FCHO2: variants seen among roughly 807,000 people sequenced by gnomAD.
FCHO2 encodes FCH and mu domain containing endocytic adaptor 2.
In FCHO2, 43 loss-of-function variants were observed where a neutral mutation model predicts 114.1. The observed-to-expected ratio is 0.38, with a 90% CI of 0.30 to 0.49. The LOEUF (loss-of-function observed/expected upper bound fraction) is 0.49. Among genes scored for constraint, FCHO2 ranks in the 20% least tolerant of loss-of-function variants. The pLI is 0.97. For missense variants in FCHO2, 807 were observed against 950.4 expected (o/e 0.85, Z 1.98); for synonymous variants, 293 against 315.2 (o/e 0.93, Z 0.75).
intron 5 of FCHO2, among the ~76,000 whole-genome samples, chr5:72,992,481 G>A (rs73098079): frequency 7.1e-4 from 108 of 152,302 alleles, no homozygotes; most frequent in African/African-American, 2.6e-3. Context: ...GCAAGCTGTT[G>A]AACTCAAAAG....
intron 6 of FCHO2, among the ~76,000 whole-genome samples, chr5:73,009,282 G>T (rs891541941): frequency 1.3e-5 from 2 of 152,200 alleles, no homozygotes; most frequent in African/African-American, 4.8e-5. Context: ...ACATTTATAA[G>T]GGAGTTATTG....
At chr5:72,972,631 A>G (rs918982328) in intron 2 of FCHO2, among the ~76,000 whole-genome samples, 2 of 152,198 alleles carry the variant, frequency 1.3e-5, no homozygotes, top group African/African-American at 4.8e-5. Flanking sequence ...TAGATATACA[A>G]TCATGCCATC....
intron 10 of FCHO2, among the ~76,000 whole-genome samples, chr5:73,039,812 C>A: frequency 6.6e-6 from 1 of 151,972 alleles, no homozygotes; most frequent in South Asian, 2.1e-4. Context: ...CCTGTAATCC[C>A]GGCTACTTGA....
chr5:72,984,278 A>G (rs1003513293), intron 2 of FCHO2, among the ~76,000 whole-genome samples: 7 of 152,180 alleles, frequency 4.6e-5, no homozygotes, highest in African/African-American at 1.4e-4. Context: ...TAGTGGATCA[A>G]TTTGCTGCTA....
Position 73,088,257 on chromosome 5 carries a change from A to G in FCHO2, c.*167A>G. 1 of 754,058 alleles carries G rather than the reference A, an allele frequency of 1.3e-6. No individual in the cohort carries two copies. Among genetic ancestry groups the G allele is most frequent in the South Asian group, 1.8e-5 (1 of 56,644 alleles). 46.7% of individuals were successfully genotyped at this position (754,058 alleles called of 1,614,324 possible). A position where few individuals can be genotyped will look rare whatever the true frequency, so the allele number is the denominator to read the frequency against. On this transcript the variant is annotated 3_prime_UTR_variant, in exon 26 of 26. Coordinates refer to ENST00000430046, the MANE Select transcript of FCHO2 (RefSeq NM_138782.3). ...ACTTTTAAAGTGAGTCATTGAAATA[A>G]ATAGTACTGAAATGATTCTCTATGT... is the stretch of plus-strand genomic sequence containing the variant.
chr5:73,069,905 G>A (rs1742553043), intron 19 of FCHO2, among the ~76,000 whole-genome samples: 2 of 152,040 alleles, frequency 1.3e-5, no homozygotes, highest in African/African-American at 2.4e-5. Context: ...CAGCTGTGTT[G>A]CAGGACATAC....
chr5:73,069,496 A>G (rs1003647593), intron 19 of FCHO2, among the ~76,000 whole-genome samples: 1 of 152,060 alleles, frequency 6.6e-6, no homozygotes, highest in Non-Finnish European at 1.5e-5. Flanking sequence ...TTAGATTCTC[A>G]TAAGAGTGCG....
chr5:73,004,636 T>TA (rs57858308), intron 5 of FCHO2, among the ~76,000 whole-genome samples: 20,257 of 151,382 alleles, frequency 0.13, 1,613 homozygotes, highest in East Asian at 0.35. Flanking sequence ...CAGCTTTTTT[T>TA]AAAAAAAAGG....
intron 18 of FCHO2, among the ~76,000 whole-genome samples, chr5:73,067,281 A>G (rs1394421424): frequency 1.3e-5 from 2 of 152,054 alleles, no homozygotes; most frequent in Non-Finnish European, 2.9e-5. Context: ...CATAGGAGAA[A>G]TGTCCCACAG....
chr5:73,087,398 GT>G (rs1260045157), intron 24 of FCHO2, among the ~76,000 whole-genome samples, 190 bp from the exon 25 acceptor site: 3 of 152,144 alleles, frequency 2.0e-5, no homozygotes, highest in African/African-American at 7.2e-5. Flanking sequence ...AAAAGCATGG[GT>G]TATTTACTTA....
chr5:73,048,765 G>T (rs1757190829), intron 11 of FCHO2, among the ~76,000 whole-genome samples: 1 of 142,686 alleles, frequency 7.0e-6, no homozygotes, highest in South Asian at 2.2e-4. Flanking sequence ...GTTTTTCTCT[G>T]TAGGGGTTGT....
rs145176748 is a variant in FCHO2, at chr5:73,069,573, T to C, written c.1579+794T>C. ...CGCTCCTATGAGAGTCTAATGCCGC[T>C]GCTGATCTGACTGGAGGCAGAGCTC... On this transcript the variant is annotated intron_variant, in intron 19 of 25. Transcript: ENST00000430046. Among the ~76,000 whole-genome samples, 26 of 152,132 alleles carry C rather than the reference T, an allele frequency of 1.7e-4. No individual in the cohort carries two copies. The East Asian group carries it at 4.1e-3, about 24-fold the overall frequency.
chr5:72,966,046 C>T (rs1234285029), intron 1 of FCHO2, among the ~76,000 whole-genome samples: 1 of 152,178 alleles, frequency 6.6e-6, no homozygotes, highest in Non-Finnish European at 1.5e-5. Flanking sequence ...AATATACAAT[C>T]TATCTTCTGC....
chr5:73,013,721 G>A (rs1477154886), intron 6 of FCHO2, among the ~76,000 whole-genome samples: 2 of 152,152 alleles, frequency 1.3e-5, no homozygotes, highest in Non-Finnish European at 2.9e-5. Context: ...AGGCTGGAGT[G>A]CAGAGGCGCG....
At chr5:73,020,980 A>T (rs931761007) in intron 8 of FCHO2, 2 of 1,596,904 alleles carry the variant, frequency 1.3e-6, no homozygotes, top group Non-Finnish European at 1.7e-6. Context: ...GGGTCCATTC[A>T]CATCTTTGCT....
At chr5:73,070,808 C>T (rs762658469) in intron 19 of FCHO2, among the ~76,000 whole-genome samples, 5 of 151,928 alleles carry the variant, frequency 3.3e-5, no homozygotes, top group East Asian at 1.9e-4. Flanking sequence ...GATTTTTCAA[C>T]GCTGTGTGGA....
At chr5:72,997,965 G>A (rs1754216760) in intron 5 of FCHO2, among the ~76,000 whole-genome samples, 1 of 152,126 alleles carries the variant, frequency 6.6e-6, no homozygotes, top group Non-Finnish European at 1.5e-5. Context: ...ACAGATATAT[G>A]GTGATCCAGG....
In FCHO2 at chr5:73,088,808, T is replaced by C. The variant is rs1456522822; in HGVS notation, c.*718T>C. 6.6e-6 allele frequency: 1 copy of C among 152,586 alleles called. No individual in the cohort carries two copies. Among genetic ancestry groups the C allele is most frequent in the Non-Finnish European group, 1.5e-5 (1 of 68,014 alleles). The allele number at this position is 152,586 out of a possible 1,614,324, so 9.5% of individuals were successfully genotyped here. On this transcript the variant is annotated 3_prime_UTR_variant, in exon 26 of 26. Coordinates refer to ENST00000430046, the MANE Select transcript of FCHO2 (RefSeq NM_138782.3). The stretch of plus-strand genomic sequence containing the variant: ...TGTGATTTTTTTGATGAATTAATGC[T>C]GTAGATTTAATTTATTTTTATATGG...
At chr5:73,049,097 C>T (rs1205397258) in intron 11 of FCHO2, among the ~76,000 whole-genome samples, 4 of 151,594 alleles carry the variant, frequency 2.6e-5, no homozygotes, top group African/African-American at 4.8e-5. Flanking sequence ...AGGATGGTCT[C>T]GATCTCCTGA....
Sources: allele counts gnomAD v4.1 joint callset (sites outside exome capture counted in the v4.1 genomes callset), GRCh38; gene constraint gnomAD v4.1.1; transcripts MANE v1.5; gene names NCBI Gene and HGNC (gene_info 2026-07-23, HGNC 2026-07-21).